Variants in WDR49 observed in about 807,000 individuals in gnomAD.
WDR49 encodes WD repeat domain 49.
A neutral mutation model predicts 119.5 loss-of-function variants in WDR49; 107 were observed. The observed-to-expected ratio is 0.90, with a 90% CI of 0.77 to 1.05. The LOEUF (loss-of-function observed/expected upper bound fraction) is 1.05. Ranked by LOEUF, WDR49 falls within the 50% of genes least tolerant of loss-of-function variation. The pLI, the probability that WDR49 is intolerant of heterozygous loss-of-function variation, is 0.00. For synonymous variants in WDR49, 425 were observed against 418.8 expected, an observed-to-expected ratio of 1.01 and a Z score of -0.18; for missense variants, 1,240 against 1,220.5, an observed-to-expected ratio of 1.02 and a Z score of -0.24.
In WDR49 at chr3:167,606,200, C is replaced by T. The variant is rs1577272104; in HGVS notation, c.959-1732G>A. Among the ~76,000 whole-genome samples, 3 of 152,184 alleles carry T rather than the reference C, an allele frequency of 2.0e-5. No individual in the cohort carries two copies. In the Middle Eastern group the frequency reaches 0.01, roughly 518 times the overall value. ...CTAGAGAGTATGTTAATCCATAGTT[C>T]TTAAAATTTGGGAGGTCAAACACCC... On this transcript the variant is annotated intron_variant, in intron 5 of 18. Transcript: ENST00000682715.
intron 3 of WDR49, among the ~76,000 whole-genome samples, chr3:167,624,844 A>C (rs1356085114): frequency 6.6e-6 from 1 of 152,112 alleles, no homozygotes; most frequent in African/African-American, 2.4e-5. Context: ...TATTAGCTCC[A>C]GATACTTGGC....
intron 8 of WDR49, among the ~76,000 whole-genome samples, chr3:167,575,706 C>G (rs1714210728): frequency 6.6e-6 from 1 of 152,206 alleles, no homozygotes; most frequent in African/African-American, 2.4e-5. Context: ...AACTCTATCA[C>G]TGCTCCTGTG....
intron 16 of WDR49, among the ~76,000 whole-genome samples, chr3:167,515,659 A>AATAAAGCGT (rs1752170046): frequency 6.6e-6 from 1 of 152,214 alleles, no homozygotes; most frequent in Non-Finnish European, 1.5e-5. Flanking sequence ...AAGAGAAAGA[A>AATAAAGCGT]ATAAAGCGTA....
chr3:167,592,889 G>C (rs1192726933), intron 7 of WDR49, among the ~76,000 whole-genome samples: 1 of 152,108 alleles, frequency 6.6e-6, no homozygotes. Flanking sequence ...ATTTTTGCAA[G>C]ATATAGTTAT....
chr3:167,543,823 C>T (rs577417891), intron 10 of WDR49, among the ~76,000 whole-genome samples: 10 of 151,986 alleles, frequency 6.6e-5, no homozygotes, highest in African/African-American at 2.2e-4. Context: ...TAAAAGGCAT[C>T]CAAATCAGTA....
chr3:167,623,144 CAA>C (rs1173495216), intron 3 of WDR49, among the ~76,000 whole-genome samples: 2 of 151,950 alleles, frequency 1.3e-5, no homozygotes, highest in African/African-American at 4.8e-5. Flanking sequence ...CAAACTCTTC[CAA>C]AAAATTACGG....
intron 8 of WDR49, among the ~76,000 whole-genome samples, chr3:167,567,378 C>T (rs1315899918): frequency 6.6e-6 from 1 of 152,304 alleles, no homozygotes; most frequent in Non-Finnish European, 1.5e-5. Context: ...AAACCCTTCA[C>T]CTCTTCCCCA....
At chr3:167,616,606 A>AT (rs1716606408) in intron 5 of WDR49, among the ~76,000 whole-genome samples, 1 of 152,064 alleles carries the variant, frequency 6.6e-6, no homozygotes, top group Non-Finnish European at 1.5e-5. Flanking sequence ...GGAAAGGCAA[A>AT]TAATTAGAGT....
intron 2 of WDR49, among the ~76,000 whole-genome samples, chr3:167,650,103 A>G (rs1358061728): frequency 6.6e-6 from 1 of 152,176 alleles, no homozygotes; most frequent in Non-Finnish European, 1.5e-5. Context: ...GAACCTACAT[A>G]GCCAGACTCT....
chr3:167,522,388 T>C lies in WDR49; in HGVS notation c.2701A>G (p.Lys901Glu), dbSNP rs138105290. ...EIQKEISLFSKEESCLDPTEH... is the reference protein window; with the variant it reads ...EIQKEISLFSEEESCLDPTEH... The stretch of plus-strand genomic sequence containing the variant: ...GTTGGGTCTAAACAAGATTCCTCCT[T>C]AGAAAATAAAGAAATTTCCTTTTGA... The change falls in exon 16 of 19, where the codon AAG becomes GAG. Residue 901 changes from lysine (K) to glutamate (E), a missense_variant. Lys to Glu is a moderately conservative substitution (Grantham distance 56, BLOSUM62 1). Transcript: ENST00000682715. 2.0e-3 allele frequency: 3,153 copies of C among 1,611,076 alleles called. 94 individuals are homozygous for C. The Admixed American group carries it at 0.05, about 26-fold the overall frequency.
At chr3:167,589,637 T>C (rs913635781) in intron 7 of WDR49, among the ~76,000 whole-genome samples, 2 of 152,084 alleles carry the variant, frequency 1.3e-5, no homozygotes, top group African/African-American at 2.4e-5. Context: ...CTTTTCATCA[T>C]ACAAATCCTT....
chr3:167,481,842 T>C (rs1340744522), intron 18 of WDR49, among the ~76,000 whole-genome samples: 2 of 152,130 alleles, frequency 1.3e-5, no homozygotes, highest in African/African-American at 4.8e-5. Context: ...ATGATTCAAT[T>C]ACCTCCCCCT....
At chr3:167,578,527 C>T (rs528535361) in intron 7 of WDR49, among the ~76,000 whole-genome samples, 1 of 152,106 alleles carries the variant, frequency 6.6e-6, no homozygotes, top group East Asian at 1.9e-4. Flanking sequence ...ATTACTAATA[C>T]TCCTTTTCTC....
intron 8 of WDR49, chr3:167,575,267 C>A: frequency 2.0e-6 from 2 of 985,816 alleles, no homozygotes; most frequent in Non-Finnish European, 2.4e-6. Flanking sequence ...ACTGCCTGGG[C>A]CGCCCTGTCC....
At chr3:167,650,313 T>C (rs1271631278) in intron 2 of WDR49, among the ~76,000 whole-genome samples, 1 of 152,182 alleles carries the variant, frequency 6.6e-6, no homozygotes, top group Non-Finnish European at 1.5e-5. Flanking sequence ...CCAGAGACCA[T>C]GTCATTTCTC....
rs2108260744 is a variant in WDR49 at position 167,548,838 on chromosome 3, C to A, written c.1823+5812G>T. Among the ~76,000 whole-genome samples, 5 of 152,178 alleles carry A rather than the reference C, an allele frequency of 3.3e-5. No individual in the cohort carries two copies. In the Middle Eastern group the frequency reaches 0.01, roughly 311 times the overall value. Reference sequence around the variant, plus strand: ...GGTATATCTCCTAATGCTATCCCTCCCCTCTCCCTCCACCCCACAACAGGC... The same window carrying A: ...GGTATATCTCCTAATGCTATCCCTCACCTCTCCCTCCACCCCACAACAGGC... On this transcript the variant is annotated intron_variant, in intron 10 of 18. Coordinates refer to ENST00000682715, the MANE Select transcript of WDR49 (RefSeq NM_001366157.1).
chr3:167,565,380 TACACACACAC>T (rs112641739), intron 8 of WDR49, among the ~76,000 whole-genome samples: 4 of 129,022 alleles, frequency 3.1e-5, no homozygotes, highest in Non-Finnish European at 3.2e-5. Flanking sequence ...CATATCTATC[TACACACACAC>T]ACACACACAC....
At chr3:167,593,992 T>C (rs1260479987) in intron 7 of WDR49, among the ~76,000 whole-genome samples, 3 of 152,196 alleles carry the variant, frequency 2.0e-5, no homozygotes, top group Non-Finnish European at 4.4e-5. Context: ...TTCCATGATT[T>C]TAGTTTCCTG....
chr3:167,603,875 G>T (rs946455052), intron 6 of WDR49, among the ~76,000 whole-genome samples: 39 of 151,854 alleles, frequency 2.6e-4, no homozygotes, highest in African/African-American at 9.0e-4. Context: ...TACATTTTGC[G>T]GTTCTCTTGT....
Sources: gnomAD v4.1 joint callset for allele counts (sites outside exome capture counted in the v4.1 genomes callset) on GRCh38, gnomAD v4.1.1 for gene constraint, MANE v1.5 for transcripts, NCBI Gene and HGNC (gene_info 2026-07-23, HGNC 2026-07-21) for gene names.